Variants in TAFA5 observed in about 807,000 individuals in gnomAD.
The protein encoded by TAFA5 is chemokine-like protein TAFA-5.
Under a neutral mutation model 15.3 loss-of-function variants are expected in TAFA5, and 6 were observed. That is an observed-to-expected ratio of 0.39 (90% CI 0.21 to 0.77). The LOEUF (loss-of-function observed/expected upper bound fraction) is 0.77, where lower values mean the gene tolerates loss of function less well. Ranked by LOEUF, TAFA5 falls within the 30% of genes least tolerant of loss-of-function variation. The pLI is 0.41. For synonymous variants in TAFA5, 103 were observed against 80.7 expected (o/e 1.28, Z -1.48); for missense variants, 161 against 193.1 (o/e 0.83, Z 0.98).
Position 48,751,228 on chromosome 22 carries a change from G to C in TAFA5, c.*1381G>C, listed in dbSNP as rs1930483933. On this transcript the variant is annotated 3_prime_UTR_variant, in exon 4 of 4. Transcript: ENST00000402357. ...GCCCCTTTCGCCACTCACGGACCTT[G>C]AGGCCAGTTGACGGCCCTTCTCCCC... 1 of 152,482 alleles carries C rather than the reference G, an allele frequency of 6.6e-6. No homozygotes were observed. The highest frequency in any genetic ancestry group is 6.5e-5 in the Admixed American group (1 of 15,288). The allele number at this position is 152,482 out of a possible 1,614,324, so 9.4% of individuals were successfully genotyped here.
chr22:48,541,363 C>A (rs1461567154), intron 1 of TAFA5, among the ~76,000 whole-genome samples: 2 of 152,094 alleles, frequency 1.3e-5, no homozygotes, highest in Non-Finnish European at 1.5e-5. Flanking sequence ...AACCCTGTAC[C>A]CTTTGGAGCA....
chr22:48,667,451 A>G (rs1188927013), intron 2 of TAFA5, among the ~76,000 whole-genome samples: 1 of 148,208 alleles, frequency 6.7e-6, no homozygotes, highest in Non-Finnish European at 1.5e-5. Flanking sequence ...TCAATATATC[A>G]ATATTTGCAG....
chr22:48,560,678 G>A lies in TAFA5; in HGVS notation c.112+70974G>A, dbSNP rs1287597873. Among the ~76,000 whole-genome samples, 2 of 151,244 alleles carry A rather than the reference G, an allele frequency of 1.3e-5. No individual in the cohort carries two copies. Among genetic ancestry groups the A allele is most frequent in the South Asian group, 2.1e-4 (1 of 4,748 alleles). ...AGGCGGGAGTGCAGTGGTGCTATTCGGCTCACTGCATCCTCTGCCTCCCGG... is the reference window on the plus strand; with the variant it reads ...AGGCGGGAGTGCAGTGGTGCTATTCAGCTCACTGCATCCTCTGCCTCCCGG... On this transcript the variant is annotated intron_variant, in intron 1 of 3. Coordinates refer to ENST00000402357, the MANE Select transcript of TAFA5 (RefSeq NM_001082967.3). This position sits in a 1 kb window ranked among gnomAD's most constrained non-coding sequence, Gnocchi z 4.2.
chr22:48,610,086 C>G (rs1925342573), intron 1 of TAFA5, among the ~76,000 whole-genome samples: 1 of 152,170 alleles, frequency 6.6e-6, no homozygotes, highest in South Asian at 2.1e-4. Flanking sequence ...CATAACAACA[C>G]ACAGTGGAGG....
intron 2 of TAFA5, among the ~76,000 whole-genome samples, chr22:48,651,910 G>A (rs574051307): frequency 1.3e-5 from 2 of 152,296 alleles, no homozygotes; most frequent in South Asian, 4.1e-4. Flanking sequence ...ACTGATGGCA[G>A]GGCCATTGGA....
rs116487798 is a variant in TAFA5, at chr22:48,633,441, G to A, written c.113-13156G>A. On this transcript the variant is annotated intron_variant, in intron 1 of 3. Coordinates refer to ENST00000402357, the MANE Select transcript of TAFA5 (RefSeq NM_001082967.3). Reference sequence around the variant, plus strand: ...AGCGGGGCTCACCACCCACGTGCAGGGGCTCTTCTCTCTTCCCCACCTCCC... The same window carrying A: ...AGCGGGGCTCACCACCCACGTGCAGAGGCTCTTCTCTCTTCCCCACCTCCC... Among the ~76,000 whole-genome samples the A allele has an allele frequency of 7.2e-3, 1,092 of 152,126 alleles. 16 individuals carry two copies. Among genetic ancestry groups the A allele is most frequent in the African/African-American group, 0.025 (1,035 of 41,460 alleles).
At chr22:48,532,683 C>T (rs561613510) in intron 1 of TAFA5, among the ~76,000 whole-genome samples, 51 of 152,242 alleles carry the variant, frequency 3.3e-4, no homozygotes, top group South Asian at 2.5e-3. Flanking sequence ...CCATCTCACA[C>T]GTGGCTTCCA....
At chr22:48,709,349 C>A in intron 3 of TAFA5, among the ~76,000 whole-genome samples, 1 of 152,318 alleles carries the variant, frequency 6.6e-6, no homozygotes, top group East Asian at 1.9e-4. Context: ...AGTGCTCTAC[C>A]ATGTCCTTAC....
At chr22:48,707,582 A>C (rs1929119544) in intron 2 of TAFA5, 135 bp from the exon 3 acceptor site, 2 of 1,011,132 alleles carry the variant, frequency 2.0e-6, no homozygotes, top group South Asian at 3.2e-5. Context: ...TCCCTGTGTG[A>C]GGGTCCCTGG....
intron 1 of TAFA5, among the ~76,000 whole-genome samples, chr22:48,508,477 G>A (rs1235708220): frequency 6.6e-6 from 1 of 152,178 alleles, no homozygotes; most frequent in Non-Finnish European, 1.5e-5. Flanking sequence ...CGCCATATGA[G>A]GAGGAGGAGA....
intron 2 of TAFA5, among the ~76,000 whole-genome samples, chr22:48,662,142 G>T (rs2147215011): frequency 6.6e-6 from 1 of 152,298 alleles, no homozygotes; most frequent in Admixed American, 6.5e-5. Flanking sequence ...TGGACGTGGG[G>T]CTGGGGCTCG....
At chr22:48,516,027 C>T (rs1921393872) in intron 1 of TAFA5, among the ~76,000 whole-genome samples, 2 of 152,064 alleles carry the variant, frequency 1.3e-5, no homozygotes, top group Non-Finnish European at 2.9e-5. Context: ...CCTTCACCGC[C>T]GCTCAGCACC....
intron 1 of TAFA5, among the ~76,000 whole-genome samples, chr22:48,551,785 C>G (rs183082150): frequency 3.9e-4 from 60 of 152,290 alleles, no homozygotes; most frequent in African/African-American, 1.3e-3. Flanking sequence ...CCCAAAGACC[C>G]TTCTCCAGGA....
chr22:48,502,978 A>G (rs1179288740), intron 1 of TAFA5, among the ~76,000 whole-genome samples: 1 of 152,248 alleles, frequency 6.6e-6, no homozygotes, highest in Non-Finnish European at 1.5e-5. Flanking sequence ...GTGCTAATTC[A>G]TGCTTCTAGG....
At chr22:48,661,277 G>A (rs1191985564) in intron 2 of TAFA5, among the ~76,000 whole-genome samples, 1 of 152,098 alleles carries the variant, frequency 6.6e-6, no homozygotes, top group African/African-American at 2.4e-5. Flanking sequence ...CCTCGGCCCC[G>A]AGCCGCCTCG....
intron 1 of TAFA5, among the ~76,000 whole-genome samples, chr22:48,493,947 T>G (rs1053612274): frequency 2.0e-5 from 3 of 152,156 alleles, no homozygotes; most frequent in Non-Finnish European, 2.9e-5. Context: ...TTCACTGAGA[T>G]AGGGCCAGAA....
intron 1 of TAFA5, among the ~76,000 whole-genome samples, chr22:48,608,392 T>C (rs891988485): frequency 6.6e-6 from 1 of 152,068 alleles, no homozygotes; most frequent in African/African-American, 2.4e-5. Flanking sequence ...CGGTTTTGCC[T>C]CTGGTTTTTC....
At chr22:48,547,299 C>T (rs567628747) in intron 1 of TAFA5, 6 of 152,348 alleles carry the variant, frequency 3.9e-5, no homozygotes, top group African/African-American at 1.2e-4. Flanking sequence ...CGCCGTGGAT[C>T]GAGGGGGTCC....
At chr22:48,729,290 A>ATTTTT in intron 3 of TAFA5, among the ~76,000 whole-genome samples, 1 of 84,062 alleles carries the variant, frequency 1.2e-5, no homozygotes, top group African/African-American at 4.9e-5. Context: ...AATATATAAT[A>ATTTTT]ATTTTATATT....
Sources: allele counts gnomAD v4.1 joint callset (sites outside exome capture counted in the v4.1 genomes callset), GRCh38; gene constraint gnomAD v4.1.1; non-coding constraint Gnocchi (gnomAD v3.1); transcripts MANE v1.5; gene names NCBI Gene and HGNC (gene_info 2026-07-23, HGNC 2026-07-21).